CTNND2: variants seen among roughly 807,000 people sequenced by gnomAD.
The protein encoded by CTNND2 is catenin delta-2.
Under a neutral mutation model 144.4 loss-of-function variants are expected in CTNND2, and 22 were observed. That is an observed-to-expected ratio of 0.15 (90% CI 0.11 to 0.22). The LOEUF (loss-of-function observed/expected upper bound fraction) is 0.22. Among genes scored for constraint, CTNND2 ranks in the 10% least tolerant of loss-of-function variants. The probability of loss-of-function intolerance (pLI) is 1.00; values close to 1 mark genes in which losing one functional copy is unlikely to be tolerated. For synonymous variants in CTNND2, 751 were observed against 695.6 expected, an observed-to-expected ratio of 1.08 and a Z score of -1.25; for missense variants, 1,353 against 1,618.8, an observed-to-expected ratio of 0.84 and a Z score of 2.82.
intron 6 of CTNND2, among the ~76,000 whole-genome samples, chr5:11,387,104 C>G (rs1398497713): frequency 1.4e-5 from 2 of 143,830 alleles, no homozygotes; most frequent in South Asian, 2.3e-4. Flanking sequence ...TTTAATTCAG[C>G]ATCCCTGAAG....
intron 2 of CTNND2, among the ~76,000 whole-genome samples, chr5:11,596,042 C>T (rs1436521898): frequency 6.6e-6 from 1 of 152,252 alleles, no homozygotes; most frequent in Non-Finnish European, 1.5e-5. Flanking sequence ...CACACGCAAG[C>T]GCAACTTTGC....
In CTNND2 at chr5:11,258,014, G is replaced by A. The variant is rs186975801; in HGVS notation, c.1629-21191C>T. On this transcript the variant is annotated intron_variant, in intron 9 of 21. Transcript: ENST00000304623. Reference sequence around the variant, plus strand: ...CTTTCAGTTCATTGTACTCCTGGGGGAGAATAATGCTCTTCAACTGATCTG... The same window carrying A: ...CTTTCAGTTCATTGTACTCCTGGGGAAGAATAATGCTCTTCAACTGATCTG... Among the ~76,000 whole-genome samples, 408 of 152,254 alleles carry A rather than the reference G, an allele frequency of 2.7e-3. 5 individuals are homozygous for A. The highest frequency in any genetic ancestry group is 7.2e-4 in the Non-Finnish European group (49 of 68,020).
chr5:11,391,841 C>T (rs1759651996), intron 6 of CTNND2, among the ~76,000 whole-genome samples: 1 of 152,178 alleles, frequency 6.6e-6, no homozygotes, highest in African/African-American at 2.4e-5. Flanking sequence ...GCTGGGTTTA[C>T]CTGGTGGTGA....
At chr5:10,983,251 C>G (rs187277922) in intron 20 of CTNND2, among the ~76,000 whole-genome samples, 51 of 152,264 alleles carry the variant, frequency 3.3e-4, no homozygotes, top group Non-Finnish European at 1.6e-4. Flanking sequence ...ATCAAAAAAT[C>G]ACATGGACCC....
chr5:11,245,522 G>A (rs368230227), intron 9 of CTNND2, among the ~76,000 whole-genome samples: 1 of 152,230 alleles, frequency 6.6e-6, no homozygotes, highest in East Asian at 1.9e-4. Context: ...TGGAGGAGGG[G>A]TCCACGAGCC....
chr5:11,320,069 C>A (rs1034642409), intron 9 of CTNND2, among the ~76,000 whole-genome samples: 1 of 152,284 alleles, frequency 6.6e-6, no homozygotes, highest in South Asian at 2.1e-4. Context: ...CGGTTCTGAC[C>A]ATTCTGCACG....
rs1216818210 is a variant in CTNND2 at position 11,283,918 on chromosome 5, C to T, written c.1629-47095G>A. ...AATGCGGACCTTGTGGTTCTGTTCA[C>T]GTCGTCTGACGTGTATTGTGTTTTT... On this transcript the variant is annotated intron_variant, in intron 9 of 21. Transcript: ENST00000304623. 3.9e-5 allele frequency among the ~76,000 whole-genome samples: 6 copies of T among 152,270 alleles called. No individual in the cohort carries two copies. In the South Asian group the frequency reaches 8.3e-4, roughly 21 times the overall value.
rs574877729 is a variant in CTNND2 at position 11,565,164 on chromosome 5, T to A, written c.175-108A>T. ...GAGAAAAATATGATTTTCCAAGATG[T>A]CAAATTTGAGAAATGTGCAATAAAA... On this transcript the variant is annotated intron_variant, in intron 2 of 21. Transcript: ENST00000304623. The A allele has an allele frequency of 6.3e-5, 48 of 760,744 alleles. No homozygotes were observed. In the Middle Eastern group the frequency reaches 9.5e-4, roughly 15 times the overall value. The allele number at this position is 760,744 out of a possible 1,614,324, so 47.1% of individuals were successfully genotyped here. A position where few individuals can be genotyped will look rare whatever the true frequency, so the allele number is the denominator to read the frequency against.
At chr5:11,160,909 T>C (rs1203555698) in intron 11 of CTNND2, among the ~76,000 whole-genome samples, 4 of 152,260 alleles carry the variant, frequency 2.6e-5, no homozygotes, top group African/African-American at 9.6e-5. Flanking sequence ...CAAATCTGAC[T>C]GTTAATAACT....
intron 10 of CTNND2, among the ~76,000 whole-genome samples, chr5:11,206,289 C>T (rs1047194039): frequency 6.6e-6 from 1 of 152,126 alleles, no homozygotes; most frequent in African/African-American, 2.4e-5. Flanking sequence ...AGGTCAAATG[C>T]ACCTCAAAGC....
At chr5:11,697,250 A>T (rs1449501088) in intron 2 of CTNND2, among the ~76,000 whole-genome samples, 1 of 152,178 alleles carries the variant, frequency 6.6e-6, no homozygotes, top group Non-Finnish European at 1.5e-5. Context: ...GATTCTAACC[A>T]TTGGAAGCTG....
Position 11,817,410 on chromosome 5 carries a change from GGAGAGAGAGAGAGAGAGAGAGAGAGAGA to G in CTNND2, c.38-85166_38-85139del, listed in dbSNP as rs1157713122. On this transcript the variant is annotated intron_variant, in intron 1 of 21. Coordinates refer to ENST00000304623, the MANE Select transcript of CTNND2 (RefSeq NM_001332.4). The stretch of plus-strand genomic sequence containing the variant: ...GGGGGGAGAGAGAGAGAGAGAGGAG[GGAGAGAGAGAGAGAGAGAGAGAGAGAGA>G]GAGAGAGAGAGAGAGAGAGAGAGAG... Among the ~76,000 whole-genome samples the G allele has an allele frequency of 5.8e-3, 129 of 22,348 alleles. 2 individuals carry two copies. The highest frequency in any genetic ancestry group is 9.0e-3 in the African/African-American group (38 of 4,202). 14.7% of individuals were successfully genotyped at this position (22,348 alleles called of 152,430 possible).
chr5:11,138,165 C>G (rs1414048852), intron 12 of CTNND2, among the ~76,000 whole-genome samples: 1 of 151,726 alleles, frequency 6.6e-6, no homozygotes, highest in Admixed American at 6.6e-5. Context: ...GGCGTGTGGC[C>G]TCCTTTCTCC....
intron 11 of CTNND2, among the ~76,000 whole-genome samples, chr5:11,187,682 G>A (rs550922173): frequency 6.6e-6 from 1 of 152,216 alleles, no homozygotes; most frequent in South Asian, 2.1e-4. Context: ...TACAGAATGG[G>A]AGAAAATTTT....
At position 11,384,784 on chromosome 5, in the gene CTNND2, A is replaced by C. The variant is rs768679282; in HGVS notation, c.1058T>G (p.Ile353Ser). The C allele has an allele frequency of 8.7e-6, 14 of 1,613,030 alleles. No homozygotes were observed. Among genetic ancestry groups the C allele is most frequent in the Non-Finnish European group, 1.2e-5 (14 of 1,179,718 alleles). ...GGGCGACAGGGTGGCGTACGTGCCGATGGTGGAGCTCAGCTGGTGGATGGG... is the reference window on the plus strand; with the variant it reads ...GGGCGACAGGGTGGCGTACGTGCCGCTGGTGGAGCTCAGCTGGTGGATGGG... ...SSPIHQLSST[I>S]GTYATLSPTK... Residue 353 changes from isoleucine (I) to serine (S), a missense_variant, in exon 7 of 22, where the codon ATC becomes AGC. By Grantham distance (142) the Ile-to-Ser change is moderately radical. Transcript: ENST00000304623. The surrounding 1 kb of genome is among the most constrained non-coding windows in gnomAD (Gnocchi z 5.2).
intron 21 of CTNND2, among the ~76,000 whole-genome samples, chr5:10,974,600 GA>G (rs1736220547): frequency 6.6e-6 from 1 of 152,190 alleles, no homozygotes; most frequent in African/African-American, 2.4e-5. Context: ...GGTATAGGGT[GA>G]GGTTAACCCT....
At chr5:11,728,754 G>A (rs1429719153) in intron 2 of CTNND2, among the ~76,000 whole-genome samples, 1 of 151,936 alleles carries the variant, frequency 6.6e-6, no homozygotes, top group East Asian at 1.9e-4. Flanking sequence ...AAATCATCTG[G>A]GGTTTGATAA....
At chr5:11,339,527 TAA>T (rs1231457661) in intron 9 of CTNND2, among the ~76,000 whole-genome samples, 1 of 152,188 alleles carries the variant, frequency 6.6e-6, no homozygotes, top group Non-Finnish European at 1.5e-5. Context: ...TGTGAGATGA[TAA>T]GTTTCTCCTG....
At chr5:11,039,949 C>T (rs1259924252) in intron 16 of CTNND2, among the ~76,000 whole-genome samples, 2 of 152,170 alleles carry the variant, frequency 1.3e-5, no homozygotes, top group Non-Finnish European at 2.9e-5. Flanking sequence ...GTAGTCCCAG[C>T]TACTTGGGAG....
Sources: gnomAD v4.1 joint callset for allele counts (sites outside exome capture counted in the v4.1 genomes callset) on GRCh38, gnomAD v4.1.1 for gene constraint, Gnocchi (gnomAD v3.1) non-coding constraint, MANE v1.5 for transcripts, NCBI Gene and HGNC (gene_info 2026-07-23, HGNC 2026-07-21) for gene names.